PPFIA1: variants seen among roughly 807,000 people sequenced by gnomAD.
The protein encoded by PPFIA1 is liprin-alpha-1.
A neutral mutation model predicts 149.9 loss-of-function variants in PPFIA1; 25 were observed. The observed-to-expected ratio is 0.17, with a 90% CI of 0.12 to 0.23. The LOEUF (loss-of-function observed/expected upper bound fraction) is 0.23, where lower values mean the gene tolerates loss of function less well. Ranked by LOEUF, PPFIA1 falls within the 10% of genes least tolerant of loss-of-function variation. PPFIA1 has a pLI of 1.00. For missense variants in PPFIA1, 1,362 were observed against 1,506.5 expected, an observed-to-expected ratio of 0.90 and a Z score of 1.59; for synonymous variants, 549 against 552.8, an observed-to-expected ratio of 0.99 and a Z score of 0.10.
intron 23 of PPFIA1, among the ~76,000 whole-genome samples, chr11:70,373,232 A>G (rs562718934): frequency 1.2e-4 from 18 of 152,118 alleles, no homozygotes; most frequent in Non-Finnish European, 1.3e-4. Flanking sequence ...TATTTATTTA[A>G]TTTATTTTGA....
At position 70,324,844 on chromosome 11, in the gene PPFIA1, CA is replaced by C; in HGVS notation, c.367-2del. On this transcript the variant is annotated splice_acceptor_variant, in intron 3 of 27. Coordinates refer to ENST00000253925, the MANE Select transcript of PPFIA1 (RefSeq NM_003626.5). LOFTEE classifies it high-confidence loss of function. ...AAGTCTTTATTTTGGCCTTTTATTT[CA>C]GCTGCTGTTAGAGCATTTGGAATGC... The C allele has an allele frequency of 6.4e-7, 1 of 1,561,428 alleles. No individual in the cohort carries two copies. Among genetic ancestry groups the C allele is most frequent in the Non-Finnish European group, 8.7e-7 (1 of 1,154,846 alleles).
chr11:70,328,989 A>C (rs908271190), intron 7 of PPFIA1, among the ~76,000 whole-genome samples: 1 of 152,242 alleles, frequency 6.6e-6, no homozygotes, highest in Admixed American at 6.5e-5. Context: ...GAAACTGTAT[A>C]GTAATCATCT....
At chr11:70,320,645 CA>C (rs1249465714) in intron 2 of PPFIA1, among the ~76,000 whole-genome samples, 2 of 151,980 alleles carry the variant, frequency 1.3e-5, no homozygotes, top group East Asian at 3.9e-4. Flanking sequence ...CTATGTTGCC[CA>C]AGCTGGTCTT....
At chr11:70,310,482 T>C (rs1365286822) in intron 2 of PPFIA1, among the ~76,000 whole-genome samples, 1 of 149,506 alleles carries the variant, frequency 6.7e-6, no homozygotes, top group Non-Finnish European at 1.5e-5. Flanking sequence ...GCCTCCTGGG[T>C]TCAAGCGATT....
intron 7 of PPFIA1, 133 bp downstream of exon 7, chr11:70,326,951 T>C (rs1334211540): frequency 1.2e-5 from 9 of 774,576 alleles, no homozygotes; most frequent in Middle Eastern, 3.8e-4. Flanking sequence ...GTATAAGTTA[T>C]ATTGAAAAAG....
intron 10 of PPFIA1, 148 bp from the exon 11 acceptor site, chr11:70,335,415 A>G (rs2054912214): frequency 2.3e-6 from 2 of 874,708 alleles, no homozygotes; most frequent in South Asian, 1.6e-5. Flanking sequence ...TCTGGTCACC[A>G]TGCAAAAGTC....
chr11:70,272,532 C>T (rs939974763), intron 2 of PPFIA1, 96 bp downstream of exon 2: 18 of 1,356,530 alleles, frequency 1.3e-5, no homozygotes, highest in African/African-American at 1.5e-5. Context: ...GAGTATTTTC[C>T]GTAACGATTT....
At chr11:70,296,396 A>AGCACTG (rs1437979842) in intron 2 of PPFIA1, among the ~76,000 whole-genome samples, 1 of 152,110 alleles carries the variant, frequency 6.6e-6, no homozygotes, top group Non-Finnish European at 1.5e-5. Flanking sequence ...GGCACCATTG[A>AGCACTG]GCACTGAGTG....
chr11:70,381,963 C>T (rs1565474693), intron 26 of PPFIA1, 125 bp from the exon 27 acceptor site: 4 of 774,234 alleles, frequency 5.2e-6, no homozygotes, highest in Non-Finnish European at 6.4e-6. Context: ...AGGCAGCTCC[C>T]CTCAGGTCCC....
intron 2 of PPFIA1, among the ~76,000 whole-genome samples, chr11:70,303,158 A>C (rs1404318429): frequency 6.6e-6 from 1 of 152,088 alleles, no homozygotes; most frequent in African/African-American, 2.4e-5. Context: ...CGTACCTTGC[A>C]TTCTTTCAGC....
chr11:70,334,324 T>G (rs148530326), intron 10 of PPFIA1: 1 of 152,150 alleles, frequency 6.6e-6, no homozygotes, highest in South Asian at 2.1e-4. Flanking sequence ...TTTATAACAT[T>G]AATTTAAGGC....
chr11:70,350,045 C>G (rs2055959026), intron 16 of PPFIA1: 1 of 438,308 alleles, frequency 2.3e-6, no homozygotes. Flanking sequence ...CTCAGGTAAC[C>G]ACGCAACTGT....
At chr11:70,302,674 T>A (rs1041368365) in intron 2 of PPFIA1, among the ~76,000 whole-genome samples, 5 of 152,228 alleles carry the variant, frequency 3.3e-5, no homozygotes, top group African/African-American at 1.2e-4. Context: ...GCCTTAGCTG[T>A]ATGGTCTCGA....
chr11:70,382,052 G>T, intron 26 of PPFIA1, 36 bp from the exon 27 acceptor site: 1 of 1,604,092 alleles, frequency 6.2e-7, no homozygotes, highest in Non-Finnish European at 8.5e-7. Flanking sequence ...ACTGCACGCT[G>T]TGTTTGCACG....
chr11:70,280,238 A>G (rs1457484678), intron 2 of PPFIA1, among the ~76,000 whole-genome samples: 1 of 147,314 alleles, frequency 6.8e-6, no homozygotes, highest in East Asian at 2.0e-4. Flanking sequence ...ACGTACATAC[A>G]TATATATATA....
chr11:70,281,158 G>A (rs571459261), intron 2 of PPFIA1, among the ~76,000 whole-genome samples: 4 of 152,048 alleles, frequency 2.6e-5, no homozygotes, highest in Admixed American at 2.0e-4. Context: ...TGTTGATAAC[G>A]CCCATTTTTG....
At chr11:70,382,861 C>A in intron 27 of PPFIA1, 142 bp from the exon 28 acceptor site, 1 of 288,480 alleles carries the variant, frequency 3.5e-6, no homozygotes, top group Non-Finnish European at 6.6e-6. Context: ...ATTCTCAGAG[C>A]AGCTACGGCA....
intron 19 of PPFIA1, chr11:70,358,302 A>G (rs933843881): frequency 6.9e-6 from 1 of 143,952 alleles, no homozygotes; most frequent in African/African-American, 2.5e-5. Context: ...GCTCACTGCA[A>G]CTTCCGCCTC....
In PPFIA1 at chr11:70,326,217, C is replaced by G; in HGVS notation, c.607-45C>G. 2.7e-6 allele frequency: 3 copies of G among 1,107,618 alleles called. No individual in the cohort carries two copies. In the South Asian group the frequency reaches 4.3e-5, roughly 16 times the overall value. 68.6% of individuals were successfully genotyped at this position (1,107,618 alleles called of 1,614,324 possible). A position where few individuals can be genotyped will look rare whatever the true frequency, so the allele number is the denominator to read the frequency against. On this transcript the variant is annotated intron_variant, in intron 5 of 27. Transcript: ENST00000253925. ...AGTTTTGCTATCTTTACTTATTTCT[C>G]TTATGTAAGGTATTTTACACTCATA...
Sources: gnomAD v4.1 joint callset for allele counts (sites outside exome capture counted in the v4.1 genomes callset) on GRCh38, gnomAD v4.1.1 for gene constraint, MANE v1.5 for transcripts, NCBI Gene and HGNC (gene_info 2026-07-23, HGNC 2026-07-21) for gene names.